The following CEP152 variants were observed in gnomAD, a reference collection of about 807,000 sequenced individuals.
CEP152 encodes the protein centrosomal protein 152.
Under a neutral mutation model 188.9 loss-of-function variants are expected in CEP152, and 132 were observed. The observed-to-expected ratio is 0.70, with a 90% CI of 0.61 to 0.81. The LOEUF is 0.81. CEP152 is among the 30% of genes least tolerant of loss of function. CEP152 has a pLI of 0.00. For synonymous variants in CEP152, 649 were observed against 666.6 expected, an observed-to-expected ratio of 0.97 and a Z score of 0.41; for missense variants, 1,914 against 1,969.8, an observed-to-expected ratio of 0.97 and a Z score of 0.54.
At chr15:48,783,491 T>A (rs1361815273) in intron 10 of CEP152, 1 of 152,118 alleles carries the variant, frequency 6.6e-6, no homozygotes, top group Admixed American at 6.6e-5. Flanking sequence ...TAATCACTTT[T>A]AGTTTTCAGG....
At chr15:48,754,092 G>C (rs1294429560) in intron 20 of CEP152, among the ~76,000 whole-genome samples, 1 of 152,080 alleles carries the variant, frequency 6.6e-6, no homozygotes, top group Admixed American at 6.5e-5. Context: ...AAGATAGCTC[G>C]AAAATGGCAG....
chr15:48,769,140 A>G (rs978474616), intron 13 of CEP152, 59 bp from the exon 14 acceptor site: 24 of 1,398,562 alleles, frequency 1.7e-5, no homozygotes, highest in African/African-American at 1.4e-5. Flanking sequence ...TTTCACTTTG[A>G]AATACTTCCA....
intron 22 of CEP152, among the ~76,000 whole-genome samples, chr15:48,745,345 C>T (rs1441909132): frequency 6.6e-6 from 1 of 152,020 alleles, no homozygotes; most frequent in African/African-American, 2.4e-5. Context: ...AGTTTATGCT[C>T]ATATAAACGA....
At chr15:48,790,742 CT>C (rs1896941362) in intron 8 of CEP152, among the ~76,000 whole-genome samples, 1 of 152,042 alleles carries the variant, frequency 6.6e-6, no homozygotes, top group Non-Finnish European at 1.5e-5. Context: ...AATTTTTGTA[CT>C]TTTTAATAGA....
At chr15:48,740,881 A>G in intron 26 of CEP152, 2 of 244,066 alleles carry the variant, frequency 8.2e-6, no homozygotes, top group Non-Finnish European at 1.3e-5. Flanking sequence ...GGAGAAGAAG[A>G]AATAAAGAGA....
At chr15:48,739,561 AC>A (rs1892814165) in intron 26 of CEP152, among the ~76,000 whole-genome samples, 1 of 152,204 alleles carries the variant, frequency 6.6e-6, no homozygotes, top group African/African-American at 2.4e-5. Flanking sequence ...TATCCATCTG[AC>A]CTATCATTTT....
intron 18 of CEP152, among the ~76,000 whole-genome samples, chr15:48,760,907 T>C (rs1894637111): frequency 6.6e-6 from 1 of 152,148 alleles, no homozygotes; most frequent in African/African-American, 2.4e-5. Context: ...TATATGTATA[T>C]ATACGTACAT....
At position 48,797,920 on chromosome 15, in the gene CEP152, A is replaced by T. The variant is rs368330696; in HGVS notation, c.191+28T>A. The T allele has an allele frequency of 1.1e-5, 17 of 1,573,722 alleles. No homozygotes were observed. The African/African-American group carries it at 1.2e-4, about 11-fold the overall frequency. On this transcript the variant is annotated intron_variant, in intron 3 of 26. Coordinates refer to ENST00000380950, the MANE Select transcript of CEP152 (RefSeq NM_001194998.2). ...AAAAAGACTTATAGAATTGCAATATACAAGTGAAAGTGACTTCAGGTGCTT... is the reference window on the plus strand; with the variant it reads ...AAAAAGACTTATAGAATTGCAATATTCAAGTGAAAGTGACTTCAGGTGCTT...
At chr15:48,765,550 T>C in intron 17 of CEP152, 1 of 414,296 alleles carries the variant, frequency 2.4e-6, no homozygotes, top group Non-Finnish European at 4.7e-6. Context: ...GAGATCATAT[T>C]TTATAGTCAA....
chr15:48,796,857 C>T (rs1449134808), intron 5 of CEP152, among the ~76,000 whole-genome samples: 1 of 152,128 alleles, frequency 6.6e-6, no homozygotes, highest in Non-Finnish European at 1.5e-5. Context: ...GAGATATCAG[C>T]TTTGACATGT....
intron 21 of CEP152, 126 bp downstream of exon 21, chr15:48,752,223 G>A: frequency 1.3e-6 from 2 of 1,490,772 alleles, no homozygotes; most frequent in East Asian, 2.3e-5. Context: ...CTAGGAAGAG[G>A]GGACATTAAG....
chr15:48,744,844 T>C, intron 23 of CEP152, 52 bp downstream of exon 23: 3 of 1,500,348 alleles, frequency 2.0e-6, no homozygotes, highest in East Asian at 2.3e-5. Flanking sequence ...AATTTAAAGA[T>C]ACTTGTACTT....
Position 48,805,610 on chromosome 15 carries a change from T to G in CEP152, c.40A>C (p.Asn14His). 1 of 1,613,038 alleles carries G rather than the reference T, an allele frequency of 6.2e-7. No homozygotes were observed. Among genetic ancestry groups the G allele is most frequent in the Non-Finnish European group, 8.5e-7 (1 of 1,179,674 alleles). Reference protein sequence around the residue: ...DFGSVALPVQNEDEEYDEEDY... With the variant: ...DFGSVALPVQHEDEEYDEEDY... ...TCTTCGTCATACTCTTCATCTTCAT[T>G]TTGCACTGGTAGTGCCACACTGCCA... is the stretch of plus-strand genomic sequence containing the variant. The change falls in exon 2 of 27, where the codon AAT becomes CAT. Residue 14 changes from asparagine (N) to histidine (H), a missense_variant. By Grantham distance (68) the Asn-to-His change is moderately conservative. Transcript: ENST00000380950.
Position 48,788,848 on chromosome 15 carries a change from A to G in CEP152, c.1126T>C (p.Ser376Pro). Residue 376 changes from serine (S) to proline (P), a missense_variant, in exon 9 of 27, where the codon TCC (serine) becomes CCC (proline). Ser to Pro is a moderately conservative substitution (Grantham distance 74, BLOSUM62 -1). Coordinates refer to ENST00000380950, the MANE Select transcript of CEP152 (RefSeq NM_001194998.2). ...LTKKYEEQVL[S>P]LQKNLDATVT... ...GTGGCATCCAAATTCTTTTGTAAGG[A>G]CAATACTTGCTCTTCGTACTTCTTT... 6.2e-7 allele frequency: 1 copy of G among 1,614,222 alleles called. No homozygotes were observed. The highest frequency in any genetic ancestry group is 8.5e-7 in the Non-Finnish European group (1 of 1,180,042).
chr15:48,735,870 G>A (rs1448465100), downstream of CEP152, among the ~76,000 whole-genome samples: 1 of 151,844 alleles, frequency 6.6e-6, no homozygotes, highest in African/African-American at 2.4e-5. Context: ...GTTCTTTGGG[G>A]GAAAACAAAT....
chr15:48,774,056 C>G (rs961567087), intron 12 of CEP152, among the ~76,000 whole-genome samples: 2 of 151,718 alleles, frequency 1.3e-5, no homozygotes, highest in African/African-American at 4.9e-5. Flanking sequence ...ATGGAAGATA[C>G]AGAAAAGACT....
At chr15:48,741,892 A>C (rs1306715218) in intron 25 of CEP152, 55 bp downstream of exon 25, 1 of 1,614,004 alleles carries the variant, frequency 6.2e-7, no homozygotes, top group Non-Finnish European at 8.5e-7. Context: ...ATGCTTTAAA[A>C]ATGATAACAT....
chr15:48,771,382 A>G (rs923735958), intron 13 of CEP152, among the ~76,000 whole-genome samples: 2 of 152,222 alleles, frequency 1.3e-5, no homozygotes, highest in Non-Finnish European at 2.9e-5. Context: ...TACCACGACC[A>G]CTATATAATA....
intron 12 of CEP152, among the ~76,000 whole-genome samples, chr15:48,773,955 T>C (rs899500435): frequency 6.6e-6 from 1 of 152,024 alleles, no homozygotes; most frequent in East Asian, 1.9e-4. Flanking sequence ...AACCAATCAA[T>C]AGAAACTAAC....
Sources: gnomAD v4.1 joint callset for allele counts (sites outside exome capture counted in the v4.1 genomes callset) on GRCh38, gnomAD v4.1.1 for gene constraint, MANE v1.5 for transcripts, NCBI Gene and HGNC (gene_info 2026-07-23, HGNC 2026-07-21) for gene names.